MAN1A1: variants seen among roughly 807,000 people sequenced by gnomAD.
MAN1A1 encodes the protein mannosidase alpha class 1A member 1, also known as mannosyl-oligosaccharide 1,2-alpha-mannosidase IA.
A neutral mutation model predicts 70.8 loss-of-function variants in MAN1A1; 29 were observed. The observed-to-expected ratio is 0.41, with a 90% CI of 0.31 to 0.56. The LOEUF (loss-of-function observed/expected upper bound fraction) is 0.56, where lower values mean the gene tolerates loss of function less well. Among genes scored for constraint, MAN1A1 ranks in the 20% least tolerant of loss-of-function variants. MAN1A1 has a pLI of 0.29. For missense variants in MAN1A1, 747 were observed against 841.3 expected (o/e 0.89, Z 1.39); for synonymous variants, 349 against 330.1 (o/e 1.06, Z -0.62).
chr6:119,189,333 G>GATTA (rs1308486423), intron 10 of MAN1A1, among the ~76,000 whole-genome samples: 1 of 152,136 alleles, frequency 6.6e-6, no homozygotes, highest in Non-Finnish European at 1.5e-5. Flanking sequence ...ATGTGGAGAA[G>GATTA]ATTAATAATG....
intron 5 of MAN1A1, chr6:119,269,598 G>T: frequency 5.5e-6 from 1 of 181,750 alleles, no homozygotes. Context: ...AAATGTTGAT[G>T]CCTTTGCAGT....
chr6:119,288,774 C>A (rs1281598738), intron 5 of MAN1A1, among the ~76,000 whole-genome samples: 3 of 151,462 alleles, frequency 2.0e-5, no homozygotes, highest in African/African-American at 7.3e-5. Context: ...AAAAAACATG[C>A]TAAGAATATG....
intron 6 of MAN1A1, among the ~76,000 whole-genome samples, chr6:119,215,487 G>A (rs370812140): frequency 1.1e-4 from 17 of 152,306 alleles, no homozygotes; most frequent in African/African-American, 4.1e-4. Flanking sequence ...CAGCAGGAGA[G>A]AGGCTGAACT....
Position 119,184,888 on chromosome 6 carries a change from A to G in MAN1A1, c.1719+3517T>C, listed in dbSNP as rs942952929. 6.6e-5 allele frequency among the ~76,000 whole-genome samples: 10 copies of G among 150,748 alleles called. 2 individuals carry two copies. Among genetic ancestry groups the G allele is most frequent in the African/African-American group, 2.2e-4 (9 of 41,176 alleles). On this transcript the variant is annotated intron_variant, in intron 11 of 12. Coordinates refer to ENST00000368468, the MANE Select transcript of MAN1A1 (RefSeq NM_005907.4). ...GGAAGGAATTTGTCAGTTTCTCATG[A>G]TTTTTTTTTTTAAAATTTTCAAGAG... is the stretch of plus-strand genomic sequence containing the variant.
chr6:119,255,234 A>G (rs999762201), intron 5 of MAN1A1, among the ~76,000 whole-genome samples: 5 of 152,216 alleles, frequency 3.3e-5, no homozygotes, highest in African/African-American at 1.2e-4. Flanking sequence ...AGTTTGAAAT[A>G]CACAATCAAT....
intron 6 of MAN1A1, among the ~76,000 whole-genome samples, chr6:119,237,605 C>T (rs1774888230): frequency 6.6e-6 from 1 of 152,118 alleles, no homozygotes; most frequent in South Asian, 2.1e-4. Flanking sequence ...GTGTGGATGG[C>T]CCCTTGATGA....
intron 5 of MAN1A1, among the ~76,000 whole-genome samples, chr6:119,252,055 CTTAA>C (rs1313569980): frequency 2.0e-5 from 3 of 152,060 alleles, no homozygotes; most frequent in African/African-American, 4.8e-5. Flanking sequence ...TTTATCATGT[CTTAA>C]TTATTTTATT....
At chr6:119,337,964 G>A (rs1031222729) in intron 2 of MAN1A1, among the ~76,000 whole-genome samples, 1 of 151,542 alleles carries the variant, frequency 6.6e-6, no homozygotes, top group South Asian at 2.1e-4. Context: ...TTGCTGACTT[G>A]GGCTAATAAC....
In MAN1A1 at chr6:119,312,279, A is replaced by C. The variant is rs3778106; in HGVS notation, c.604-5287T>G. Among the ~76,000 whole-genome samples the C allele has an allele frequency of 5.9e-3, 898 of 152,306 alleles. 31 individuals carry two copies. In the East Asian group the frequency reaches 0.09, roughly 15 times the overall value. ...CAGTGATTTTAAAAGCCTGACAGCA[A>C]TTTCCATCAAACTTTGCTTAAAATT... On this transcript the variant is annotated intron_variant, in intron 2 of 12. Transcript: ENST00000368468.
At chr6:119,229,273 G>C in intron 6 of MAN1A1, among the ~76,000 whole-genome samples, 1 of 150,998 alleles carries the variant, frequency 6.6e-6, no homozygotes, top group South Asian at 2.1e-4. Flanking sequence ...TTGGATAAAA[G>C]AGGTTCCATG....
upstream of MAN1A1, chr6:119,350,565 T>A: frequency 1.0e-6 from 1 of 985,080 alleles, no homozygotes; most frequent in Non-Finnish European, 1.2e-6. Flanking sequence ...CGAAGACGAG[T>A]TTTATGCTGC....
At chr6:119,249,492 G>A (rs1176583178) in intron 5 of MAN1A1, among the ~76,000 whole-genome samples, 12 of 152,282 alleles carry the variant, frequency 7.9e-5, no homozygotes, top group African/African-American at 2.6e-4. Context: ...TAAGCCGTAT[G>A]ACTGAGCATG....
chr6:119,344,259 A>G (rs1237198508), intron 2 of MAN1A1, among the ~76,000 whole-genome samples: 1 of 152,254 alleles, frequency 6.6e-6, no homozygotes, highest in East Asian at 1.9e-4. Flanking sequence ...TGCCTTGATA[A>G]GAGGAAGACA....
At position 119,234,762 on chromosome 6, in the gene MAN1A1, G is replaced by A. The variant is rs140166550; in HGVS notation, c.992+13498C>T. The stretch of plus-strand genomic sequence containing the variant: ...TTATACATTTAAAAAATTTACATAC[G>A]GGGATACCTCATTTTACTGCACTTT... On this transcript the variant is annotated intron_variant, in intron 6 of 12. Coordinates refer to ENST00000368468, the MANE Select transcript of MAN1A1 (RefSeq NM_005907.4). 1.3e-3 allele frequency among the ~76,000 whole-genome samples: 193 copies of A among 152,174 alleles called. 2 individuals are homozygous for A. The highest frequency in any genetic ancestry group is 4.3e-3 in the African/African-American group (178 of 41,488).
intron 2 of MAN1A1, among the ~76,000 whole-genome samples, chr6:119,329,961 C>T (rs73527165): frequency 5.3e-4 from 80 of 152,236 alleles, no homozygotes; most frequent in African/African-American, 1.7e-3. Context: ...GAGACTCACT[C>T]CTTCAAATAC....
intron 5 of MAN1A1, among the ~76,000 whole-genome samples, chr6:119,271,595 G>A (rs1422908884): frequency 6.6e-6 from 1 of 152,016 alleles, no homozygotes; most frequent in Non-Finnish European, 1.5e-5. Context: ...CGCCTCCTGG[G>A]TTCAAGCAAT....
chr6:119,348,133 G>T (rs1269822518), intron 2 of MAN1A1, among the ~76,000 whole-genome samples: 1 of 152,194 alleles, frequency 6.6e-6, no homozygotes, highest in Admixed American at 6.5e-5. Flanking sequence ...CGCTGTTACT[G>T]GTGGGGCGAT....
intron 2 of MAN1A1, among the ~76,000 whole-genome samples, chr6:119,308,533 C>T (rs903270834): frequency 4.6e-5 from 7 of 152,070 alleles, no homozygotes; most frequent in African/African-American, 1.7e-4. Context: ...GGGATAATTC[C>T]TTACAGGATG....
At chr6:119,201,988 A>G (rs1773725776) in intron 7 of MAN1A1, among the ~76,000 whole-genome samples, 1 of 152,164 alleles carries the variant, frequency 6.6e-6, no homozygotes, top group African/African-American at 2.4e-5. Flanking sequence ...GTGAATGTGA[A>G]GGCCTGGGAC....
Sources: allele counts gnomAD v4.1 joint callset (sites outside exome capture counted in the v4.1 genomes callset), GRCh38; gene constraint gnomAD v4.1.1; transcripts MANE v1.5; gene names NCBI Gene and HGNC (gene_info 2026-07-23, HGNC 2026-07-21).